The following GRID2 variants were observed in gnomAD, a reference collection of about 807,000 sequenced individuals.
GRID2 encodes the protein glutamate ionotropic receptor delta type subunit 2, also known as glutamate receptor ionotropic, delta-2.
GRID2 carries 33 observed loss-of-function variants against 114.8 expected under a neutral mutation model. The observed-to-expected ratio is 0.29, with a 90% CI of 0.22 to 0.38. The LOEUF (loss-of-function observed/expected upper bound fraction) is 0.38, where lower values mean the gene tolerates loss of function less well. GRID2 is among the 10% of genes least tolerant of loss of function. The probability of loss-of-function intolerance (pLI) is 1.00; values close to 1 mark genes in which losing one functional copy is unlikely to be tolerated. For synonymous variants in GRID2, 505 were observed against 449.9 expected (o/e 1.12, Z -1.55); for missense variants, 1,184 against 1,257.7 (o/e 0.94, Z 0.89).
intron 15 of GRID2, among the ~76,000 whole-genome samples, chr4:93,770,921 A>G (rs1200663050): frequency 6.6e-6 from 1 of 152,172 alleles, no homozygotes; most frequent in African/African-American, 2.4e-5. Context: ...GCATTAATGG[A>G]TATTTTTTAT....
intron 14 of GRID2, among the ~76,000 whole-genome samples, chr4:93,730,545 A>G (rs1215574178): frequency 2.0e-5 from 3 of 152,206 alleles, no homozygotes; most frequent in Non-Finnish European, 4.4e-5. Context: ...CTGGAGAGCC[A>G]AGAGAGCATT....
intron 4 of GRID2, among the ~76,000 whole-genome samples, chr4:93,160,859 C>A (rs781635174): frequency 1.3e-5 from 2 of 151,752 alleles, no homozygotes; most frequent in Non-Finnish European, 2.9e-5. Context: ...ATCTACTGAA[C>A]CTGAATCTGC....
At chr4:92,605,175 T>C (rs1390263532) in intron 2 of GRID2, among the ~76,000 whole-genome samples, 1 of 152,124 alleles carries the variant, frequency 6.6e-6, no homozygotes, top group Non-Finnish European at 1.5e-5. Flanking sequence ...AGGCAGTTCT[T>C]TATAGCAGTA....
intron 2 of GRID2, among the ~76,000 whole-genome samples, chr4:92,743,927 A>G (rs1737018392): frequency 2.0e-5 from 3 of 152,208 alleles, no homozygotes; most frequent in African/African-American, 7.2e-5. Flanking sequence ...AGAGGAATTC[A>G]GGTTTCTTAA....
At chr4:92,616,604 C>T (rs1730014724) in intron 2 of GRID2, among the ~76,000 whole-genome samples, 1 of 151,454 alleles carries the variant, frequency 6.6e-6, no homozygotes, top group Admixed American at 6.6e-5. Context: ...ATCATTATTA[C>T]ATATGTGTGT....
intron 1 of GRID2, among the ~76,000 whole-genome samples, chr4:92,421,882 G>C (rs1731926867): frequency 6.6e-6 from 1 of 152,046 alleles, no homozygotes; most frequent in African/African-American, 2.4e-5. Flanking sequence ...GGGATGCTTG[G>C]GATTCAGTGG....
At chr4:92,753,898 C>T (rs995772830) in intron 2 of GRID2, among the ~76,000 whole-genome samples, 2 of 152,010 alleles carry the variant, frequency 1.3e-5, no homozygotes, top group African/African-American at 4.8e-5. Flanking sequence ...AGGGTTTTTC[C>T]ATTGTTAAAT....
chr4:92,557,528 T>TA lies in GRID2; in HGVS notation c.89-32599dup, dbSNP rs576667806. 2.9e-4 allele frequency among the ~76,000 whole-genome samples: 43 copies of TA among 150,868 alleles called. No individual in the cohort carries two copies. In the East Asian group the frequency reaches 6.6e-3, roughly 23 times the overall value. On this transcript the variant is annotated intron_variant, in intron 1 of 15. Coordinates refer to ENST00000282020, the MANE Select transcript of GRID2 (RefSeq NM_001510.4). The stretch of plus-strand genomic sequence containing the variant: ...AAAATGGAAATAAATTGCAACCAAA[T>TA]AAAACCTTATATTTCTGTATTAGAT...
intron 8 of GRID2, among the ~76,000 whole-genome samples, chr4:93,382,397 C>G (rs1763939589): frequency 6.6e-6 from 1 of 151,928 alleles, no homozygotes; most frequent in Admixed American, 6.6e-5. Flanking sequence ...CCAATGGTTC[C>G]TTATTCTCTG....
At chr4:92,458,351 T>G (rs1282232373) in intron 1 of GRID2, among the ~76,000 whole-genome samples, 1 of 152,204 alleles carries the variant, frequency 6.6e-6, no homozygotes, top group Non-Finnish European at 1.5e-5. Context: ...TATTTAAGTC[T>G]GTGACCTTTG....
At position 93,422,811 on chromosome 4, in the gene GRID2, A is replaced by T; in HGVS notation, c.1388A>T (p.Lys463Met). ...FVMVSENVLGKPKKYQGFSID... is the reference protein window; with the variant it reads ...FVMVSENVLGMPKKYQGFSID... Reference sequence around the variant, plus strand: ...ATGGTCTCTGAAAATGTCTTGGGTAAGCCGAAGAAATACCAGGGCTTCTCC... The same window carrying T: ...ATGGTCTCTGAAAATGTCTTGGGTATGCCGAAGAAATACCAGGGCTTCTCC... The change falls in exon 10 of 16, where the codon AAG becomes ATG. Residue 463 changes from lysine to methionine, a missense_variant. Coordinates refer to ENST00000282020, the MANE Select transcript of GRID2 (RefSeq NM_001510.4). 1 of 1,613,774 alleles carries T rather than the reference A, an allele frequency of 6.2e-7. No homozygotes were observed. Among genetic ancestry groups the T allele is most frequent in the African/African-American group, 1.3e-5 (1 of 75,022 alleles).
intron 14 of GRID2, among the ~76,000 whole-genome samples, chr4:93,766,421 C>T (rs1733678738): frequency 6.6e-6 from 1 of 152,146 alleles, no homozygotes; most frequent in African/African-American, 2.4e-5. Context: ...CTCACTATCA[C>T]AAGAACGGCA....
intron 9 of GRID2, among the ~76,000 whole-genome samples, chr4:93,421,716 G>T (rs1768304536): frequency 6.6e-6 from 1 of 151,984 alleles, no homozygotes; most frequent in African/African-American, 2.4e-5. Flanking sequence ...GGAGAAAATT[G>T]TATATTATAG....
At chr4:92,470,422 A>G (rs1721978161) in intron 1 of GRID2, among the ~76,000 whole-genome samples, 1 of 151,996 alleles carries the variant, frequency 6.6e-6, no homozygotes, top group African/African-American at 2.4e-5. Context: ...CAAAATTTTA[A>G]CTTAGAAAAT....
chr4:93,133,506 T>G (rs1734982689), intron 4 of GRID2, among the ~76,000 whole-genome samples: 1 of 152,236 alleles, frequency 6.6e-6, no homozygotes, highest in Non-Finnish European at 1.5e-5. Context: ...TAATAAAGAC[T>G]TCATTAACTA....
At chr4:92,605,167 G>A (rs1729395428) in intron 2 of GRID2, among the ~76,000 whole-genome samples, 1 of 152,108 alleles carries the variant, frequency 6.6e-6, no homozygotes, top group South Asian at 2.1e-4. Flanking sequence ...CTGGTCTCAG[G>A]CAGTTCTTTA....
chr4:93,328,112 C>A (rs368128452), intron 8 of GRID2, among the ~76,000 whole-genome samples: 2 of 144,810 alleles, frequency 1.4e-5, no homozygotes, highest in Non-Finnish European at 3.0e-5. Flanking sequence ...AGCAAGACTC[C>A]GTCTCAAAAA....
At chr4:92,425,828 C>T (rs879934726) in intron 1 of GRID2, among the ~76,000 whole-genome samples, 2 of 152,086 alleles carry the variant, frequency 1.3e-5, no homozygotes, top group Admixed American at 6.6e-5. Context: ...TGCCAACTAA[C>T]TTACAAGGTG....
intron 1 of GRID2, among the ~76,000 whole-genome samples, chr4:92,356,432 A>G (rs909294178): frequency 6.6e-6 from 1 of 151,440 alleles, no homozygotes; most frequent in Non-Finnish European, 1.5e-5. Context: ...TCTTTTACTA[A>G]CTTATGCATT....
Sources: allele counts gnomAD v4.1 joint callset (sites outside exome capture counted in the v4.1 genomes callset), GRCh38; gene constraint gnomAD v4.1.1; transcripts MANE v1.5; gene names NCBI Gene and HGNC (gene_info 2026-07-23, HGNC 2026-07-21).